NPAS2: variants seen among roughly 807,000 people sequenced by gnomAD.
NPAS2 encodes neuronal PAS domain-containing protein 2.
A neutral mutation model predicts 107.5 loss-of-function variants in NPAS2; 23 were observed. The ratio of observed to expected loss-of-function variants is 0.21; its 90% confidence interval spans 0.15 to 0.30. NPAS2 has a LOEUF of 0.30. Ranked by LOEUF, NPAS2 falls within the 10% of genes least tolerant of loss-of-function variation. NPAS2 has a pLI of 1.00. For missense variants in NPAS2, 756 were observed against 1,043.3 expected (o/e 0.72, Z 3.79); for synonymous variants, 403 against 417.5 (o/e 0.97, Z 0.42).
chr2:100,925,393 G>T (rs1683496480), intron 3 of NPAS2, 99 bp downstream of exon 3: 3 of 1,267,710 alleles, frequency 2.4e-6, no homozygotes, highest in African/African-American at 3.0e-5. Context: ...TGTCTCCCCA[G>T]CCAGGCCCAG....
intron 5 of NPAS2, among the ~76,000 whole-genome samples, chr2:100,938,337 G>T (rs1684466652): frequency 6.6e-6 from 1 of 152,162 alleles, no homozygotes; most frequent in South Asian, 2.1e-4. Context: ...CGGTTCCTGG[G>T]GGTTGAACTG....
intron 4 of NPAS2, among the ~76,000 whole-genome samples, chr2:100,937,384 A>G (rs936907371): frequency 4.6e-5 from 7 of 152,154 alleles, no homozygotes; most frequent in Admixed American, 2.0e-4. Flanking sequence ...GGGTAGGGAG[A>G]TGGGAACCAT....
At chr2:100,912,604 G>A (rs1682629102) in intron 2 of NPAS2, among the ~76,000 whole-genome samples, 2 of 152,208 alleles carry the variant, frequency 1.3e-5, no homozygotes. Flanking sequence ...AGAACCCCCT[G>A]AAGACACGCT....
At chr2:100,916,396 G>C (rs1474072386) in intron 2 of NPAS2, among the ~76,000 whole-genome samples, 3 of 151,958 alleles carry the variant, frequency 2.0e-5, no homozygotes, top group Non-Finnish European at 4.4e-5. Flanking sequence ...GAGGGTAAAA[G>C]TAAAACTATG....
chr2:100,958,992 TG>T (rs1675746373), intron 7 of NPAS2, among the ~76,000 whole-genome samples: 1 of 149,650 alleles, frequency 6.7e-6, no homozygotes, highest in African/African-American at 2.5e-5. Flanking sequence ...CCAGGCACGG[TG>T]GCTGACACCT....
At chr2:100,876,293 T>C (rs1679961659) in intron 1 of NPAS2, among the ~76,000 whole-genome samples, 1 of 152,204 alleles carries the variant, frequency 6.6e-6, no homozygotes, top group Non-Finnish European at 1.5e-5. Flanking sequence ...TGGTATCATT[T>C]TGTGGGGCCA....
chr2:100,903,519 G>A lies in NPAS2; in HGVS notation c.-22-1214G>A, dbSNP rs10175887. Among the ~76,000 whole-genome samples the A allele has an allele frequency of 5.4e-3, 829 of 152,298 alleles. 4 individuals are homozygous for A. Among genetic ancestry groups the A allele is most frequent in the African/African-American group, 0.018 (760 of 41,554 alleles). ...TGACCAAAATCACAAAACTAAATGA[G>A]CTCAGAGAAAGATTGATTGGCTCCA... is the stretch of plus-strand genomic sequence containing the variant. On this transcript the variant is annotated intron_variant, in intron 1 of 20. Coordinates refer to ENST00000335681, the MANE Select transcript of NPAS2 (RefSeq NM_002518.4).
intron 16 of NPAS2, chr2:100,985,331 TTCCATCCATCCTTTAG>T (rs1343911291): frequency 6.5e-6 from 1 of 152,986 alleles, no homozygotes; most frequent in African/African-American, 2.4e-5. Flanking sequence ...CCTTTCTTCC[TTCCATCCATCCTTTAG>T]TCCATCCATC....
intron 2 of NPAS2, among the ~76,000 whole-genome samples, chr2:100,917,159 A>G (rs1682934145): frequency 6.6e-6 from 1 of 152,230 alleles, no homozygotes; most frequent in African/African-American, 2.4e-5. Flanking sequence ...TGGAAATTAG[A>G]TATAAACACA....
chr2:100,964,869 C>T lies in NPAS2; in HGVS notation c.726C>T (p.Cys242=), dbSNP rs1198853666. ...LATPQFLKEM[C]IVDEPLEEFT... is the part of the protein sequence containing the mutation. The stretch of plus-strand genomic sequence containing the variant: ...TTCTGCTTCCAATACAGGAAATGTG[C>T]ATAGTTGACGAACCTTTAGAGGAAT... The change falls in exon 9 of 21, where the codon TGC becomes TGT. Residue 242 remains cysteine, a synonymous_variant. Transcript: ENST00000335681. 1.3e-6 allele frequency: 2 copies of T among 1,572,314 alleles called. No individual in the cohort carries two copies. The highest frequency in any genetic ancestry group is 1.7e-6 in the Non-Finnish European group (2 of 1,167,408).
At position 100,964,041 on chromosome 2, in the gene NPAS2, T is replaced by C. The variant is rs764284111; in HGVS notation, c.599-17T>C. ...GACAGGGCTAACCTATGTGTCCTCT[T>C]CTTCCCAACCCCCCAGTGCCTAGCC... is the stretch of plus-strand genomic sequence containing the variant. On this transcript the variant is annotated splice_polypyrimidine_tract_variant and intron_variant, in intron 7 of 20. Transcript: ENST00000335681. 1.3e-6 allele frequency: 2 copies of C among 1,568,044 alleles called. No homozygotes were observed. Among genetic ancestry groups the C allele is most frequent in the South Asian group, 1.1e-5 (1 of 90,122 alleles).
chr2:100,832,355 A>G (rs562557029), intron 1 of NPAS2, among the ~76,000 whole-genome samples: 1 of 152,274 alleles, frequency 6.6e-6, no homozygotes, highest in South Asian at 2.1e-4. Context: ...ACCTGCTCCA[A>G]GCGCTTACCT....
intron 5 of NPAS2, among the ~76,000 whole-genome samples, chr2:100,944,253 C>T (rs1289840390): frequency 2.0e-5 from 3 of 152,186 alleles, no homozygotes; most frequent in African/African-American, 7.2e-5. Context: ...TCACTGCAGC[C>T]AGCACAGATC....
chr2:100,920,220 G>A (rs1683135701), intron 2 of NPAS2, among the ~76,000 whole-genome samples: 1 of 152,102 alleles, frequency 6.6e-6, no homozygotes, highest in Non-Finnish European at 1.5e-5. Flanking sequence ...ATCAGGTTTT[G>A]AGATCTATCA....
intron 1 of NPAS2, among the ~76,000 whole-genome samples, chr2:100,824,141 G>C (rs571753251): frequency 1.3e-5 from 2 of 152,174 alleles, no homozygotes; most frequent in Non-Finnish European, 2.9e-5. Flanking sequence ...AAAGCAAGGA[G>C]GACGAAGAGG....
intron 1 of NPAS2, among the ~76,000 whole-genome samples, chr2:100,823,386 C>T (rs966805700): frequency 1.6e-4 from 24 of 152,130 alleles, no homozygotes; most frequent in African/African-American, 5.3e-4. Context: ...CCAGAGACCA[C>T]TTGAACTTTT....
Position 100,995,539 on chromosome 2 carries a change from G to T in NPAS2, c.2432G>T (p.Ser811Ile). Residue 811 changes from serine (S) to isoleucine (I), a missense_variant, in exon 21 of 21, where the codon AGC becomes ATC. Transcript: ENST00000335681. ...CCCCTACGTCCTCCCCGAAGGGTCA[G>T]CAGTCTGTCTGAGTCGTCAGGCCTC... is the stretch of plus-strand genomic sequence containing the variant. ...PQPLRPPRRV[S>I]SLSESSGLQQ... 6.2e-7 allele frequency: 1 copy of T among 1,611,612 alleles called. No individual in the cohort carries two copies.
intron 6 of NPAS2, 70 bp downstream of exon 6, chr2:100,948,425 G>A (rs980538773): frequency 1.1e-5 from 15 of 1,356,338 alleles, no homozygotes; most frequent in Middle Eastern, 1.9e-4. Flanking sequence ...AGGTTAGAAT[G>A]AATTAAGAAG....
At chr2:100,991,741 T>G (rs1036439714) in intron 19 of NPAS2, among the ~76,000 whole-genome samples, 6 of 152,146 alleles carry the variant, frequency 3.9e-5, no homozygotes, top group African/African-American at 1.2e-4. Flanking sequence ...CTCGGTCTTT[T>G]TTTGTTTGTT....
Sources: allele counts gnomAD v4.1 joint callset (sites outside exome capture counted in the v4.1 genomes callset), GRCh38; gene constraint gnomAD v4.1.1; transcripts MANE v1.5; gene names NCBI Gene and HGNC (gene_info 2026-07-23, HGNC 2026-07-21).